Variants in MPP2 observed in about 807,000 individuals in gnomAD.
MPP2 encodes MAGUK p55 subfamily member 2.
In MPP2, 42 loss-of-function variants were observed where a neutral mutation model predicts 58.5. The ratio of observed to expected loss-of-function variants is 0.72; its 90% CI spans 0.56 to 0.93. The LOEUF (loss-of-function observed/expected upper bound fraction) is 0.93. MPP2 is among the 40% of genes least tolerant of loss of function. The pLI, the probability that MPP2 is intolerant of heterozygous loss-of-function variation, is 0.00. For missense variants in MPP2, 632 were observed against 760.4 expected (o/e 0.83, Z 1.99); for synonymous variants, 300 against 307.8 (o/e 0.97, Z 0.26).
intron 1 of MPP2, among the ~76,000 whole-genome samples, chr17:43,904,996 C>A (rs1487592380): frequency 5.3e-5 from 8 of 151,790 alleles, no homozygotes; most frequent in Non-Finnish European, 1.2e-4. Context: ...GGCAACATGG[C>A]GAGACCCCCA....
In MPP2 at chr17:43,877,452, G is replaced by C. The variant is rs947809310; in HGVS notation, c.*355C>G. On this transcript the variant is annotated 3_prime_UTR_variant, in exon 13 of 13. Transcript: ENST00000269095. ...TGGTGACTGGGGAGGGGTGGCAGGG[G>C]GCAGTGTGCCTACTGACCATGTGGT... 5.1e-6 allele frequency: 1 copy of C among 197,274 alleles called. No individual in the cohort carries two copies. The highest frequency in any genetic ancestry group is 2.3e-5 in the African/African-American group (1 of 43,932). The allele number at this position is 197,274 out of a possible 1,614,324, so 12.2% of individuals were successfully genotyped here.
chr17:43,881,095 T>C lies in MPP2; in HGVS notation c.983A>G (p.Asn328Ser), dbSNP rs1440032580. The change falls in exon 9 of 13, where the codon AAT (asparagine) becomes AGT (serine). Residue 328 changes from asparagine to serine, a missense_variant. Asn to Ser is a conservative substitution (Grantham distance 46). Coordinates refer to ENST00000269095, the MANE Select transcript of MPP2 (RefSeq NM_005374.5). ...KKRMMYLTTK[N>S]AEFDRHELLI... ...GGGGGCGCTCTGATACCCACCTGCA[T>C]TCTTGGTGGTCAAATACATCATTCG... is the stretch of plus-strand genomic sequence containing the variant. 1 of 1,613,888 alleles carries C rather than the reference T, an allele frequency of 6.2e-7. No homozygotes were observed. Among genetic ancestry groups the C allele is most frequent in the Non-Finnish European group, 8.5e-7 (1 of 1,179,968 alleles).
rs766334508 is a variant in MPP2, at chr17:43,882,351, C to T, written c.614G>A (p.Arg205His). The change falls in exon 6 of 13, where the codon CGC becomes CAC. Residue 205 changes from arginine to histidine, a missense_variant. Transcript: ENST00000269095. ...GAGGATGACACTGCCACTGGCATTG[C>T]GCAGGAGCTCCTGCAGTGCGCGGGG... ...SDPRALQELL[R>H]NASGSVILKI... is the part of the protein sequence containing the mutation. 20 of 1,612,392 alleles carry T rather than the reference C, an allele frequency of 1.2e-5. No homozygotes were observed. The highest frequency in any genetic ancestry group is 5.0e-5 in the Admixed American group (3 of 60,014).
At chr17:43,898,455 G>A in intron 2 of MPP2, 75 bp from the exon 3 acceptor site, 1 of 980,728 alleles carries the variant, frequency 1.0e-6, no homozygotes, top group Non-Finnish European at 1.6e-6. Context: ...CACAATACTT[G>A]CCACTTCCCC....
At chr17:43,900,192 G>T (rs778491980) in intron 2 of MPP2, among the ~76,000 whole-genome samples, 2 of 152,216 alleles carry the variant, frequency 1.3e-5, no homozygotes, top group Non-Finnish European at 2.9e-5. Context: ...GCCCAGGCCG[G>T]GGCTTGGCAT....
chr17:43,882,085 GC>G (rs2047154511), intron 6 of MPP2, among the ~76,000 whole-genome samples, 198 bp downstream of exon 6: 1 of 152,244 alleles, frequency 6.6e-6, no homozygotes, highest in Non-Finnish European at 1.5e-5. Flanking sequence ...CATAATACCA[GC>G]CAATGTGGGA....
intron 2 of MPP2, among the ~76,000 whole-genome samples, chr17:43,898,686 C>G (rs2047958793): frequency 6.6e-6 from 1 of 152,242 alleles, no homozygotes; most frequent in Non-Finnish European, 1.5e-5. Flanking sequence ...GAAAGGGAAG[C>G]AGGTGTCAGG....
At chr17:43,907,172 G>C in intron 1 of MPP2, 1 of 985,444 alleles carries the variant, frequency 1.0e-6, no homozygotes, top group Non-Finnish European at 1.2e-6. Flanking sequence ...ACAGCCCCCG[G>C]GGAGGCCGCG....
chr17:43,890,757 G>C (rs2047571176), intron 3 of MPP2, among the ~76,000 whole-genome samples: 1 of 152,168 alleles, frequency 6.6e-6, no homozygotes, highest in South Asian at 2.1e-4. Context: ...TTGCTTGTGA[G>C]ACTACCATGT....
At chr17:43,900,455 G>C in intron 2 of MPP2, 1 of 1,548,440 alleles carries the variant, frequency 6.5e-7, no homozygotes, top group Non-Finnish European at 8.7e-7. Context: ...CCCCCATCTG[G>C]CCCGCCCTTC....
rs1417227462 is a variant in MPP2, at chr17:43,900,191, G to A, written c.32-1811C>T. Among the ~76,000 whole-genome samples, 6 of 152,326 alleles carry A rather than the reference G, an allele frequency of 3.9e-5. No individual in the cohort carries two copies. The East Asian group carries it at 1.2e-3, about 29-fold the overall frequency. ...CCTTCAGACCCCTCTTGCCCAGGCC[G>A]GGGCTTGGCATTGGTCAGAGACCTG... On this transcript the variant is annotated intron_variant, in intron 2 of 12. Coordinates refer to ENST00000269095, the MANE Select transcript of MPP2 (RefSeq NM_005374.5).
chr17:43,881,515 G>A lies in MPP2; in HGVS notation c.756C>T (p.Arg252=). 3 of 1,614,176 alleles carry A rather than the reference G, an allele frequency of 1.9e-6. No homozygotes were observed. The highest frequency in any genetic ancestry group is 2.5e-6 in the Non-Finnish European group (3 of 1,180,024). Residue 252 remains arginine (R), a synonymous_variant, in exon 7 of 13, where the codon CGC becomes CGT. Transcript: ENST00000269095. ...TCTGGAGCAAGTCCCCGGCGTTGAA[G>A]CGCAGGCCTGCTTCCTTGCAGGGGA... ...SLIPCKEAGL[R]FNAGDLLQIV... is the part of the protein sequence containing the mutation.
chr17:43,891,218 C>T (rs2047590703), intron 3 of MPP2, among the ~76,000 whole-genome samples: 1 of 152,140 alleles, frequency 6.6e-6, no homozygotes, highest in Non-Finnish European at 1.5e-5. Context: ...AACAACTCTT[C>T]CTGATTCAAA....
rs535177750 is a variant in MPP2, at chr17:43,901,581, C to T, written c.31+2849G>A. 1.4e-5 allele frequency: 14 copies of T among 985,424 alleles called. No homozygotes were observed. In the East Asian group the frequency reaches 1.6e-3, roughly 112 times the overall value. 61.0% of individuals were successfully genotyped at this position (985,424 alleles called of 1,614,324 possible). A position where few individuals can be genotyped will look rare whatever the true frequency, so the allele number is the denominator to read the frequency against. On this transcript the variant is annotated intron_variant, in intron 2 of 12. Transcript: ENST00000269095. ...CCAGGTCGCATTGCACCCCTGGTTG[C>T]CATGACAGTAGAATTACACACCAGG...
intron 3 of MPP2, among the ~76,000 whole-genome samples, chr17:43,887,899 C>T (rs568694341): frequency 3.0e-4 from 45 of 152,090 alleles, no homozygotes; most frequent in African/African-American, 1.1e-3. Context: ...CAATGAAACA[C>T]TTGCAGATAC....
At chr17:43,886,606 G>C (rs897479341) in intron 3 of MPP2, among the ~76,000 whole-genome samples, 11 of 152,074 alleles carry the variant, frequency 7.2e-5, no homozygotes, top group Non-Finnish European at 1.6e-4. Context: ...AGTCTTGCTG[G>C]GTCAAGCAGC....
intron 2 of MPP2, among the ~76,000 whole-genome samples, chr17:43,902,311 G>T (rs1277426720): frequency 4.6e-5 from 7 of 152,132 alleles, no homozygotes; most frequent in Non-Finnish European, 8.8e-5. Flanking sequence ...CCATCAAGTG[G>T]TCTGCAACAA....
At position 43,879,751 on chromosome 17, in the gene MPP2, G is replaced by A. The variant is rs761119123; in HGVS notation, c.1353+31C>T. On this transcript the variant is annotated intron_variant, in intron 11 of 12. Coordinates refer to ENST00000269095, the MANE Select transcript of MPP2 (RefSeq NM_005374.5). This position sits in a 1 kb window ranked among gnomAD's most constrained non-coding sequence, Gnocchi z 4.1. ...CAATGAGGCAGCAGAGAGGACATTG[G>A]GCAGGCTGGGAAGGAGCAGAGTGGC... 3.1e-6 allele frequency: 5 copies of A among 1,610,246 alleles called. No homozygotes were observed. The highest frequency in any genetic ancestry group is 8.5e-7 in the Non-Finnish European group (1 of 1,178,722).
intron 3 of MPP2, among the ~76,000 whole-genome samples, chr17:43,893,235 A>C: frequency 6.6e-6 from 1 of 152,206 alleles, no homozygotes; most frequent in African/African-American, 2.4e-5. Context: ...TGGAGACAAT[A>C]GCTAAAGTAC....
Sources: gnomAD v4.1 joint callset for allele counts (sites outside exome capture counted in the v4.1 genomes callset) on GRCh38, gnomAD v4.1.1 for gene constraint, Gnocchi (gnomAD v3.1) non-coding constraint, MANE v1.5 for transcripts, NCBI Gene and HGNC (gene_info 2026-07-23, HGNC 2026-07-21) for gene names.